RMDN2: variants seen among roughly 807,000 people sequenced by gnomAD.
The protein encoded by RMDN2 is regulator of microtubule dynamics 2.
A neutral mutation model predicts 52.8 loss-of-function variants in RMDN2; 61 were observed. That is an observed-to-expected ratio of 1.16 (90% CI 0.94 to 1.43). RMDN2 has a LOEUF of 1.43. RMDN2 is among the 40% of genes most tolerant of loss of function. RMDN2 has a pLI of 0.00. For missense variants in RMDN2, 592 were observed against 475.3 expected, an observed-to-expected ratio of 1.25 and a Z score of -2.28; for synonymous variants, 180 against 153.1, an observed-to-expected ratio of 1.18 and a Z score of -1.30.
downstream of RMDN2, among the ~76,000 whole-genome samples, chr2:38,021,105 A>T (rs140102284): frequency 1.3e-4 from 20 of 152,248 alleles, no homozygotes; most frequent in Non-Finnish European, 2.5e-4. Flanking sequence ...GGGTTTGTGA[A>T]TGCACCAATC....
chr2:37,962,160 G>A (rs1010891794), intron 2 of RMDN2, among the ~76,000 whole-genome samples: 1 of 152,236 alleles, frequency 6.6e-6, no homozygotes, highest in African/African-American at 2.4e-5. Flanking sequence ...TCGTCCGGAG[G>A]CACAAGGGTC....
chr2:37,961,537 A>G (rs1670239062), intron 2 of RMDN2, among the ~76,000 whole-genome samples: 1 of 151,844 alleles, frequency 6.6e-6, no homozygotes, highest in Admixed American at 6.6e-5. Context: ...TTTCAACTCC[A>G]TCAGGTCATT....
At chr2:37,942,846 C>G (rs755267637) in intron 2 of RMDN2, among the ~76,000 whole-genome samples, 23 of 152,154 alleles carry the variant, frequency 1.5e-4, no homozygotes, top group Non-Finnish European at 2.5e-4. Flanking sequence ...CAAAGTCTCA[C>G]AAGTAAAACA....
intron 2 of RMDN2, chr2:37,952,124 C>A (rs750830806): frequency 1.9e-6 from 3 of 1,613,036 alleles, no homozygotes; most frequent in East Asian, 2.2e-5. Context: ...TAACTTCAGG[C>A]CTGTTTGAAG....
chr2:37,953,700 G>C (rs2124977083), intron 2 of RMDN2, among the ~76,000 whole-genome samples: 1 of 152,048 alleles, frequency 6.6e-6, no homozygotes, highest in Admixed American at 6.6e-5. Flanking sequence ...GTTCTTTTGA[G>C]TATATATCCA....
chr2:38,045,765 G>A (rs887282797), intron 10 of RMDN2, among the ~76,000 whole-genome samples: 14 of 152,192 alleles, frequency 9.2e-5, no homozygotes, highest in African/African-American at 2.9e-4. Flanking sequence ...AGCTTAGTTG[G>A]TATGAGAGTT....
At chr2:37,934,652 T>C (rs1031559744) in intron 2 of RMDN2, among the ~76,000 whole-genome samples, 72 of 152,062 alleles carry the variant, frequency 4.7e-4, no homozygotes, top group African/African-American at 1.7e-3. Context: ...AAAAGCTGGG[T>C]ATATGGGGGA....
intron 2 of RMDN2, among the ~76,000 whole-genome samples, chr2:37,951,035 C>T (rs1343368880): frequency 3.3e-5 from 5 of 152,036 alleles, no homozygotes; most frequent in African/African-American, 1.2e-4. Flanking sequence ...CTTAGACTCC[C>T]GCATTCTTTT....
At chr2:37,955,583 T>A (rs1669345649) in intron 2 of RMDN2, among the ~76,000 whole-genome samples, 1 of 152,122 alleles carries the variant, frequency 6.6e-6, no homozygotes, top group African/African-American at 2.4e-5. Context: ...GGGAGGTAAT[T>A]GAATCATGGG....
At chr2:37,951,076 T>A (rs1668718511) in intron 2 of RMDN2, among the ~76,000 whole-genome samples, 1 of 152,048 alleles carries the variant, frequency 6.6e-6, no homozygotes, top group African/African-American at 2.4e-5. Flanking sequence ...TAACTTAAGC[T>A]CCCCTATTCT....
At chr2:38,041,813 G>A (rs1680972752) in intron 10 of RMDN2, among the ~76,000 whole-genome samples, 1 of 152,148 alleles carries the variant, frequency 6.6e-6, no homozygotes, top group African/African-American at 2.4e-5. Flanking sequence ...TGGGCACAGA[G>A]TATGGTTGTA....
intron 10 of RMDN2, among the ~76,000 whole-genome samples, chr2:38,052,089 T>G (rs1230721284): frequency 2.0e-5 from 3 of 152,214 alleles, no homozygotes; most frequent in African/African-American, 7.2e-5. Context: ...TTGAGAAATC[T>G]CTACACTGTT....
intron 2 of RMDN2, among the ~76,000 whole-genome samples, chr2:37,965,342 T>TC (rs1450504787): frequency 6.6e-6 from 1 of 151,528 alleles, no homozygotes; most frequent in African/African-American, 2.4e-5. Context: ...TGTTTAGTTT[T>TC]TTTTTTTTTT....
chr2:37,925,736 C>T (rs1052314949), intron 1 of RMDN2, among the ~76,000 whole-genome samples: 2 of 152,246 alleles, frequency 1.3e-5, no homozygotes, highest in Non-Finnish European at 2.9e-5. Context: ...TTTGCTGCCT[C>T]GGCCCGGCTG....
At chr2:38,034,246 A>T (rs1038129174) in intron 10 of RMDN2, among the ~76,000 whole-genome samples, 4 of 152,162 alleles carry the variant, frequency 2.6e-5, no homozygotes, top group Admixed American at 2.6e-4. Context: ...CAGCCGTGAC[A>T]CTAAACTTGT....
At chr2:37,974,440 A>C (rs562431288) in intron 3 of RMDN2, among the ~76,000 whole-genome samples, 17 of 151,538 alleles carry the variant, frequency 1.1e-4, no homozygotes, top group Non-Finnish European at 2.1e-4. Flanking sequence ...AAGGTCATAA[A>C]AATGAGAACC....
chr2:38,026,254 A>T (rs1338828227), intron 10 of RMDN2, among the ~76,000 whole-genome samples: 1 of 152,144 alleles, frequency 6.6e-6, no homozygotes, highest in East Asian at 1.9e-4. Context: ...CACAAATTTA[A>T]TAATATTCCC....
chr2:37,975,412 A>C, intron 4 of RMDN2, 98 bp downstream of exon 4: 1 of 683,586 alleles, frequency 1.5e-6, no homozygotes, highest in African/African-American at 1.8e-5. Context: ...TTGCAGGGAC[A>C]TGGATGAAGC....
intron 8 of RMDN2, among the ~76,000 whole-genome samples, chr2:38,000,939 A>G (rs1228470555): frequency 6.6e-6 from 1 of 152,226 alleles, no homozygotes; most frequent in Non-Finnish European, 1.5e-5. Context: ...ATTGATTCCA[A>G]TGGCAGCTGC....
Sources: gnomAD v4.1 joint callset for allele counts (sites outside exome capture counted in the v4.1 genomes callset) on GRCh38, gnomAD v4.1.1 for gene constraint, MANE v1.5 for transcripts, NCBI Gene and HGNC (gene_info 2026-07-23, HGNC 2026-07-21) for gene names.